CFAP45: variants seen among roughly 807,000 people sequenced by gnomAD.
CFAP45 encodes cilia and flagella associated protein 45, also known as cilia- and flagella-associated protein 45.
In CFAP45, 43 loss-of-function variants were observed where a neutral mutation model predicts 75.6. That is an observed-to-expected ratio of 0.57 (90% CI 0.45 to 0.73). The LOEUF (loss-of-function observed/expected upper bound fraction) is 0.73. CFAP45 is among the 30% of genes least tolerant of loss of function. CFAP45 has a pLI of 0.00. For synonymous variants in CFAP45, 223 were observed against 244.6 expected (o/e 0.91, Z 0.82); for missense variants, 689 against 701.5 (o/e 0.98, Z 0.20).
intron 2 of CFAP45, 50 bp from the exon 3 acceptor site, chr1:159,890,672 C>A (rs776711502): frequency 8.2e-6 from 13 of 1,584,028 alleles, no homozygotes; most frequent in Non-Finnish European, 1.0e-5. Context: ...CCACTTCCTG[C>A]TGGTCAGTCC....
At chr1:159,880,168 T>C (rs1426228699) in intron 8 of CFAP45, among the ~76,000 whole-genome samples, 3 of 152,170 alleles carry the variant, frequency 2.0e-5, no homozygotes, top group Admixed American at 6.5e-5. Context: ...AATATAGGCA[T>C]TTGCACAAGA....
At chr1:159,876,522 G>A in intron 10 of CFAP45, 34 bp downstream of exon 10, 2 of 1,481,974 alleles carry the variant, frequency 1.3e-6, no homozygotes, top group Non-Finnish European at 1.9e-6. Flanking sequence ...TACAGTACAA[G>A]GAAAGGAATC....
chr1:159,876,708 T>C lies in CFAP45; in HGVS notation c.1200A>G (p.Arg400=). 1 of 1,614,198 alleles carries C rather than the reference T, an allele frequency of 6.2e-7. No homozygotes were observed. Residue 400 remains arginine (R), a synonymous_variant, in exon 10 of 12, where the codon AGA becomes AGG. Coordinates refer to ENST00000368099, the MANE Select transcript of CFAP45 (RefSeq NM_012337.3). The part of the protein sequence containing the change: ...RAKRNQEVAD[R]EWRRKEKENA... ...TTTCCTTTTCCTTTCTGCGCCACTC[T>C]CTGTCTGCAACCTCCTGGTTGCGCT...
At chr1:159,889,705 C>T (rs574717502) in intron 3 of CFAP45, among the ~76,000 whole-genome samples, 3 of 152,338 alleles carry the variant, frequency 2.0e-5, no homozygotes, top group East Asian at 1.9e-4. Flanking sequence ...CTTGATGCCA[C>T]GGCTGACCAG....
chr1:159,897,712 G>A (rs1324221418), intron 1 of CFAP45, among the ~76,000 whole-genome samples: 2 of 151,972 alleles, frequency 1.3e-5, no homozygotes, highest in Admixed American at 1.3e-4. Context: ...ACCATCTTAA[G>A]ATGTTTCTTT....
Position 159,888,591 on chromosome 1 carries a change from G to C in CFAP45, c.273-95C>G. 5.1e-6 allele frequency: 6 copies of C among 1,177,100 alleles called. 1 individual carries two copies. In the South Asian group the frequency reaches 5.7e-5, roughly 11 times the overall value. The allele number at this position is 1,177,100 out of a possible 1,614,324, so 72.9% of individuals were successfully genotyped here. A position where few individuals can be genotyped will look rare whatever the true frequency, so the allele number is the denominator to read the frequency against. On this transcript the variant is annotated intron_variant, in intron 3 of 11. Transcript: ENST00000368099. ...TGCTCTCTTCCCCTCTTCCCATCAT[G>C]CCAGTGGACTCCCCCAATGGCAGAA... is the stretch of plus-strand genomic sequence containing the variant.
intron 8 of CFAP45, among the ~76,000 whole-genome samples, chr1:159,878,343 T>C (rs1649456756): frequency 6.6e-6 from 1 of 152,190 alleles, no homozygotes; most frequent in Admixed American, 6.5e-5. Flanking sequence ...TAGCTCCCTT[T>C]CCACCTCTCT....
intron 10 of CFAP45, 98 bp downstream of exon 10, chr1:159,876,458 G>A: frequency 4.6e-6 from 4 of 862,466 alleles, no homozygotes; most frequent in Non-Finnish European, 7.6e-6. Flanking sequence ...AGATCGACGA[G>A]CATCTGTTAA....
chr1:159,876,964 C>T (rs1649419289), intron 9 of CFAP45, among the ~76,000 whole-genome samples: 1 of 152,186 alleles, frequency 6.6e-6, no homozygotes, highest in African/African-American at 2.4e-5. Context: ...CTTGTCCTTC[C>T]AACCCACTCA....
At position 159,879,059 on chromosome 1, in the gene CFAP45, G is replaced by A. The variant is rs577120153; in HGVS notation, c.1044+1495C>T. On this transcript the variant is annotated intron_variant, in intron 8 of 11. Transcript: ENST00000368099. ...TGGACATGCCCAAGTGCCTGATTCCGTGGCCAGTCTCCAGCCTCTCCCAGC... is the reference window on the plus strand; with the variant it reads ...TGGACATGCCCAAGTGCCTGATTCCATGGCCAGTCTCCAGCCTCTCCCAGC... Among the ~76,000 whole-genome samples, 37 of 152,178 alleles carry A rather than the reference G, an allele frequency of 2.4e-4. No homozygotes were observed. The South Asian group carries it at 5.4e-3, about 22-fold the overall frequency.
chr1:159,872,892 A>G, intron 11 of CFAP45, 52 bp downstream of exon 11: 1 of 1,548,310 alleles, frequency 6.5e-7, no homozygotes, highest in Admixed American at 1.7e-5. Context: ...CTGTGGTGCC[A>G]TCTCTTTGCG....
Position 159,888,338 on chromosome 1 carries a change from G to A in CFAP45, c.417+14C>T. On this transcript the variant is annotated intron_variant, in intron 4 of 11. Coordinates refer to ENST00000368099, the MANE Select transcript of CFAP45 (RefSeq NM_012337.3). ...ACCCATCTGCAGAGGTGAAGGCTTA[G>A]GGAGGTTAACTACCATGGTGGCTTC... is the stretch of plus-strand genomic sequence containing the variant. 6.2e-7 allele frequency: 1 copy of A among 1,613,582 alleles called. No homozygotes were observed. Among genetic ancestry groups the A allele is most frequent in the Non-Finnish European group, 8.5e-7 (1 of 1,179,720 alleles).
chr1:159,877,343 A>C lies in CFAP45; in HGVS notation c.1158+6T>G, dbSNP rs1340725107. On this transcript the variant is annotated splice_donor_region_variant and intron_variant, in intron 9 of 11. Coordinates refer to ENST00000368099, the MANE Select transcript of CFAP45 (RefSeq NM_012337.3). ...AAGTAGAGGGAAGTCGAGACTAAGC[A>C]GGTACCTGTTCTGCCTGGTAATCCT... The C allele has an allele frequency of 6.3e-7, 1 of 1,579,384 alleles. No homozygotes were observed. Among genetic ancestry groups the C allele is most frequent in the African/African-American group, 1.3e-5 (1 of 74,418 alleles).
chr1:159,887,907 C>T lies in CFAP45; in HGVS notation c.522G>A (p.Gln174=), dbSNP rs1649729687. ...GCTTGTTGGCTCTCTGCAGGAGGTT[C>T]TGGGCCCGTTCCTTGGCCACCTCCT... ...DLEEVAKERA[Q]NLLQRANKLR... is the part of the protein sequence containing the mutation. Residue 174 remains glutamine (Q), a synonymous_variant, in exon 5 of 12, where the codon CAG becomes CAA. Coordinates refer to ENST00000368099, the MANE Select transcript of CFAP45 (RefSeq NM_012337.3). 1 of 1,614,144 alleles carries T rather than the reference C, an allele frequency of 6.2e-7. No individual in the cohort carries two copies. The highest frequency in any genetic ancestry group is 8.5e-7 in the Non-Finnish European group (1 of 1,180,052).
At chr1:159,880,157 C>A (rs1324169017) in intron 8 of CFAP45, among the ~76,000 whole-genome samples, 1 of 152,064 alleles carries the variant, frequency 6.6e-6, no homozygotes, top group Non-Finnish European at 1.5e-5. Context: ...ACAGGATGTC[C>A]AATATAGGCA....
chr1:159,872,877 C>T, intron 11 of CFAP45, 67 bp downstream of exon 11: 1 of 1,490,448 alleles, frequency 6.7e-7, no homozygotes, highest in Non-Finnish European at 9.3e-7. Context: ...CCCATGCTTT[C>T]CAGCCTGTGG....
intron 1 of CFAP45, among the ~76,000 whole-genome samples, chr1:159,898,802 G>T (rs759308517): frequency 5.3e-5 from 8 of 152,198 alleles, no homozygotes; most frequent in Admixed American, 1.3e-4. Context: ...GCTGAGAGAA[G>T]ATGGGACACT....
chr1:159,887,666 T>C (rs1004280947), intron 5 of CFAP45, among the ~76,000 whole-genome samples, 175 bp downstream of exon 5: 3 of 152,194 alleles, frequency 2.0e-5, no homozygotes, highest in Non-Finnish European at 4.4e-5. Context: ...AGCGAACAGG[T>C]GGCAGAGCCA....
intron 9 of CFAP45, 184 bp from the exon 10 acceptor site, chr1:159,876,933 G>A (rs1396358666): frequency 1.5e-6 from 1 of 666,856 alleles, no homozygotes. Context: ...CTTTGGGTTA[G>A]AAGATAACCT....
Sources: gnomAD v4.1 joint callset for allele counts (sites outside exome capture counted in the v4.1 genomes callset) on GRCh38, gnomAD v4.1.1 for gene constraint, MANE v1.5 for transcripts, NCBI Gene and HGNC (gene_info 2026-07-23, HGNC 2026-07-21) for gene names.